Variants in PHACTR1 observed in about 807,000 individuals in gnomAD.
PHACTR1 encodes RPEL repeat containing 1.
In PHACTR1, 16 loss-of-function variants were observed where a neutral mutation model predicts 69.2. The observed-to-expected ratio is 0.23, with a 90% CI of 0.16 to 0.35. The LOEUF is 0.35. Among genes scored for constraint, PHACTR1 ranks in the 10% least tolerant of loss-of-function variants. PHACTR1 has a pLI of 1.00. For missense variants in PHACTR1, 510 were observed against 734.7 expected, an observed-to-expected ratio of 0.69 and a Z score of 3.54; for synonymous variants, 312 against 284.5, an observed-to-expected ratio of 1.10 and a Z score of -0.97.
chr6:12,841,563 T>C (rs1383438611), intron 4 of PHACTR1, among the ~76,000 whole-genome samples: 2 of 152,238 alleles, frequency 1.3e-5, no homozygotes, highest in African/African-American at 4.8e-5. Flanking sequence ...ATAAGAAATA[T>C]TTTTTAAATG....
At chr6:12,740,234 T>C (rs1459929498) in intron 3 of PHACTR1, among the ~76,000 whole-genome samples, 9 of 152,188 alleles carry the variant, frequency 5.9e-5, no homozygotes, top group Non-Finnish European at 1.5e-5. Flanking sequence ...GTTGATGGAT[T>C]GTTCCCAGTT....
chr6:12,964,597 G>C (rs1049237036), intron 4 of PHACTR1, among the ~76,000 whole-genome samples: 6 of 152,144 alleles, frequency 3.9e-5, no homozygotes, highest in Non-Finnish European at 8.8e-5. Context: ...AGGGACCGAT[G>C]GTAGATGCAT....
intron 4 of PHACTR1, among the ~76,000 whole-genome samples, chr6:12,864,245 A>G (rs182829239): frequency 2.5e-4 from 38 of 152,336 alleles, no homozygotes; most frequent in Middle Eastern, 3.4e-3. Flanking sequence ...TTGTACAAAC[A>G]GATTGCTGGG....
At chr6:13,183,684 C>T (rs1233313647) in intron 7 of PHACTR1, among the ~76,000 whole-genome samples, 8 of 152,024 alleles carry the variant, frequency 5.3e-5, no homozygotes, top group South Asian at 2.1e-4. Flanking sequence ...GAGGCGGTGG[C>T]GGGAGGTGAG....
intron 10 of PHACTR1, among the ~76,000 whole-genome samples, chr6:13,250,167 A>G (rs1460768894): frequency 6.6e-6 from 1 of 152,254 alleles, no homozygotes; most frequent in East Asian, 1.9e-4. Flanking sequence ...GGCCCTTTGA[A>G]GAAAAAAGAA....
At chr6:13,258,981 A>G (rs1775557955) in intron 10 of PHACTR1, among the ~76,000 whole-genome samples, 1 of 152,232 alleles carries the variant, frequency 6.6e-6, no homozygotes, top group Admixed American at 6.5e-5. Context: ...TAATACACGC[A>G]GGGATGGTTG....
chr6:12,965,228 A>G lies in PHACTR1; in HGVS notation c.251-88137A>G, dbSNP rs142135004. ...ATGGATTGAACAGAGGGCTGGCTGT[A>G]CAGTCAATCCTCATTTTTCTTGGAG... On this transcript the variant is annotated intron_variant, in intron 4 of 14. Transcript: ENST00000332995. Among the ~76,000 whole-genome samples the G allele has an allele frequency of 5.9e-5, 9 of 152,300 alleles. No individual in the cohort carries two copies. In the East Asian group the frequency reaches 1.7e-3, roughly 29 times the overall value.
chr6:12,964,203 A>G (rs1315787653), intron 4 of PHACTR1, among the ~76,000 whole-genome samples: 1 of 152,226 alleles, frequency 6.6e-6, no homozygotes, highest in Non-Finnish European at 1.5e-5. Flanking sequence ...GGTATTGTGC[A>G]AAGAGTTCCG....
chr6:12,846,174 T>C lies in PHACTR1; in HGVS notation c.250+96384T>C, dbSNP rs571875733. Reference sequence around the variant, plus strand: ...ACTTTAGCCACATGTTGATATTTAATTGTTGGTCGGTGTGCCCAGTGGACT... The same window carrying C: ...ACTTTAGCCACATGTTGATATTTAACTGTTGGTCGGTGTGCCCAGTGGACT... On this transcript the variant is annotated intron_variant, in intron 4 of 14. Coordinates refer to ENST00000332995, the MANE Select transcript of PHACTR1 (RefSeq NM_030948.6). 2.0e-5 allele frequency among the ~76,000 whole-genome samples: 3 copies of C among 152,312 alleles called. No homozygotes were observed. The South Asian group carries it at 6.2e-4, about 32-fold the overall frequency.
chr6:12,892,964 C>T (rs1438892486), intron 4 of PHACTR1, among the ~76,000 whole-genome samples: 1 of 151,984 alleles, frequency 6.6e-6, no homozygotes, highest in Non-Finnish European at 1.5e-5. Context: ...GTGGGATTTC[C>T]AGGACAAAGA....
At chr6:12,839,592 G>A (rs1199862723) in intron 4 of PHACTR1, among the ~76,000 whole-genome samples, 2 of 152,082 alleles carry the variant, frequency 1.3e-5, no homozygotes, top group Admixed American at 6.5e-5. Flanking sequence ...AGGGGTACCA[G>A]GATTATCTTG....
intron 4 of PHACTR1, among the ~76,000 whole-genome samples, chr6:12,838,423 T>C (rs922930074): frequency 4.6e-5 from 7 of 152,306 alleles, no homozygotes; most frequent in African/African-American, 7.2e-5. Context: ...TGAAAGACCA[T>C]ATATAACCCC....
chr6:12,931,196 G>C (rs1055841313), intron 4 of PHACTR1, among the ~76,000 whole-genome samples: 1 of 152,092 alleles, frequency 6.6e-6, no homozygotes, highest in African/African-American at 2.4e-5. Context: ...CTTAACAAGT[G>C]GTTTCTGGTA....
chr6:13,184,644 C>T (rs1391993082), intron 7 of PHACTR1, among the ~76,000 whole-genome samples: 1 of 152,196 alleles, frequency 6.6e-6, no homozygotes, highest in Non-Finnish European at 1.5e-5. Context: ...GGATTTCTGG[C>T]CTCCTCGCTG....
intron 4 of PHACTR1, among the ~76,000 whole-genome samples, chr6:12,830,129 G>GAATGAAAGAAAGAAAGA (rs1777348329): frequency 7.3e-6 from 1 of 136,564 alleles, no homozygotes; most frequent in Non-Finnish European, 1.6e-5. Flanking sequence ...AAGAAAGAAA[G>GAATGAAAGAAAGAAAGA]AAAGAAAGAA....
intron 5 of PHACTR1, among the ~76,000 whole-genome samples, chr6:13,095,332 A>T (rs898696741): frequency 2.0e-5 from 3 of 152,230 alleles, no homozygotes; most frequent in African/African-American, 7.2e-5. Context: ...AACAGAGCAT[A>T]TTACTTTTCA....
chr6:13,207,462 C>T (rs1237127211), intron 8 of PHACTR1, among the ~76,000 whole-genome samples: 1 of 152,178 alleles, frequency 6.6e-6, no homozygotes, highest in African/African-American at 2.4e-5. Flanking sequence ...TCCAGTCGCT[C>T]TTCGGGGAGA....
At chr6:13,209,144 G>A (rs893107282) in intron 8 of PHACTR1, among the ~76,000 whole-genome samples, 7 of 152,124 alleles carry the variant, frequency 4.6e-5, no homozygotes, top group African/African-American at 1.7e-4. Flanking sequence ...AAAGATTGGA[G>A]AGATTTTTCT....
intron 3 of PHACTR1, among the ~76,000 whole-genome samples, chr6:12,723,084 A>G (rs1762325847): frequency 6.6e-6 from 1 of 152,246 alleles, no homozygotes; most frequent in South Asian, 2.1e-4. Context: ...CAAAATTAAC[A>G]TCATGAGATT....
Sources: gnomAD v4.1 joint callset for allele counts (sites outside exome capture counted in the v4.1 genomes callset) on GRCh38, gnomAD v4.1.1 for gene constraint, MANE v1.5 for transcripts, NCBI Gene and HGNC (gene_info 2026-07-23, HGNC 2026-07-21) for gene names.